The following ACOT11 variants were observed in gnomAD, a reference collection of about 807,000 sequenced individuals.
ACOT11 encodes acyl-CoA thioesterase 11, also known as acyl-coenzyme A thioesterase 11.
A neutral mutation model predicts 77.5 loss-of-function variants in ACOT11; 69 were observed. The observed-to-expected ratio is 0.89, with a 90% CI of 0.73 to 1.09. ACOT11 has a LOEUF of 1.09. Ranked by LOEUF, ACOT11 falls within the 50% of genes least tolerant of loss-of-function variation. The probability of loss-of-function intolerance (pLI) is 0.00; values close to 1 mark genes in which losing one functional copy is unlikely to be tolerated. For synonymous variants in ACOT11, 279 were observed against 313.0 expected (o/e 0.89, Z 1.15); for missense variants, 766 against 813.7 (o/e 0.94, Z 0.71).
At chr1:54,608,410 C>G (rs1361692025) in intron 15 of ACOT11, among the ~76,000 whole-genome samples, 2 of 152,012 alleles carry the variant, frequency 1.3e-5, no homozygotes, top group Non-Finnish European at 2.9e-5. Flanking sequence ...AACCCAGCAG[C>G]GCAGTCCGTG....
intron 1 of ACOT11, among the ~76,000 whole-genome samples, chr1:54,574,494 G>A (rs1013062289): frequency 7.9e-5 from 12 of 152,206 alleles, no homozygotes; most frequent in African/African-American, 2.9e-4. Context: ...TAAAAGGAAG[G>A]CAGGACCATG....
At chr1:54,555,389 C>T (rs115960913) in intron 1 of ACOT11, among the ~76,000 whole-genome samples, 6,041 of 152,164 alleles carry the variant, frequency 0.04, 176 homozygotes, top group Non-Finnish European at 0.055. Context: ...TGTATAGCTT[C>T]CTTTGAGAAA....
intron 6 of ACOT11, among the ~76,000 whole-genome samples, chr1:54,596,734 C>T (rs1239659525): frequency 6.6e-6 from 1 of 152,114 alleles, no homozygotes; most frequent in Non-Finnish European, 1.5e-5. Flanking sequence ...CCACCATGCC[C>T]AGCTAACTTT....
rs564872461 is a variant in ACOT11 at position 54,595,493 on chromosome 1, C to G, written c.607+802C>G. On this transcript the variant is annotated intron_variant, in intron 6 of 15. Transcript: ENST00000343744. Reference sequence around the variant, plus strand: ...AAAAGATAAAATAAAAAGCAAGACTCCTTTCTATCCCAGAATCCAGGTCGT... The same window carrying G: ...AAAAGATAAAATAAAAAGCAAGACTGCTTTCTATCCCAGAATCCAGGTCGT... Among the ~76,000 whole-genome samples, 10 of 152,274 alleles carry G rather than the reference C, an allele frequency of 6.6e-5. No individual in the cohort carries two copies. The South Asian group carries it at 1.7e-3, about 25-fold the overall frequency.
intron 1 of ACOT11, among the ~76,000 whole-genome samples, chr1:54,564,322 G>A (rs1272680282): frequency 6.6e-6 from 1 of 152,258 alleles, no homozygotes; most frequent in Non-Finnish European, 1.5e-5. Flanking sequence ...TTATTCAGAA[G>A]CCTGGTAGGT....
downstream of ACOT11, among the ~76,000 whole-genome samples, chr1:54,614,393 C>G (rs973555239): frequency 6.7e-6 from 1 of 150,300 alleles, no homozygotes; most frequent in African/African-American, 2.4e-5. Flanking sequence ...TATGAACACC[C>G]AGTGACAGCC....
At position 54,593,977 on chromosome 1, in the gene ACOT11, G is replaced by A. The variant is rs1269998222; in HGVS notation, c.409G>A (p.Glu137Lys). 3.1e-6 allele frequency: 5 copies of A among 1,614,212 alleles called. No homozygotes were observed. The highest frequency in any genetic ancestry group is 4.2e-6 in the Non-Finnish European group (5 of 1,180,024). Residue 137 changes from glutamate to lysine, a missense_variant, in exon 5 of 16, where the codon GAG (glutamate) becomes AAG (lysine). Physicochemically the swap from Glu to Lys is moderately conservative, Grantham distance 56. Coordinates refer to ENST00000343744, the MANE Select transcript of ACOT11 (RefSeq NM_147161.4). Reference sequence around the variant, plus strand: ...GGTGGCCTCGGAGGACCTGTGCTCTGAGAAGCAGTGGAATGTGTGCAAGGC... The same window carrying A: ...GGTGGCCTCGGAGGACCTGTGCTCTAAGAAGCAGTGGAATGTGTGCAAGGC... ...IQVASEDLCS[E>K]KQWNVCKALA...
At chr1:54,627,600 A>C (rs1214830312) in intron 15 of ACOT11, among the ~76,000 whole-genome samples, 1 of 135,314 alleles carries the variant, frequency 7.4e-6, no homozygotes, top group African/African-American at 2.5e-5. Context: ...TCAGATGTGA[A>C]ACAGCCATTT....
intron 1 of ACOT11, among the ~76,000 whole-genome samples, chr1:54,583,276 A>G (rs566572009): frequency 4.6e-5 from 7 of 152,224 alleles, no homozygotes; most frequent in African/African-American, 1.7e-4. Flanking sequence ...CTGGGAACCC[A>G]TAAGCCGTTC....
downstream of ACOT11, among the ~76,000 whole-genome samples, chr1:54,611,429 ATGTT>A (rs1644116995): frequency 6.6e-6 from 1 of 152,030 alleles, no homozygotes; most frequent in South Asian, 2.1e-4. Flanking sequence ...AATAAAATGG[ATGTT>A]TGAAGCTTAG....
In ACOT11 at chr1:54,584,380, A is replaced by C. The variant is rs1172794; in HGVS notation, c.34-275A>C. ...AAGCAAGGAGGACTGACTTCTCTGC[A>C]TGGTTTTGTCTCCACTGGCCCACTC... is the stretch of plus-strand genomic sequence containing the variant. On this transcript the variant is annotated intron_variant, in intron 1 of 15. Coordinates refer to ENST00000343744, the MANE Select transcript of ACOT11 (RefSeq NM_147161.4). The surrounding 1 kb of genome is among the most constrained non-coding windows in gnomAD (Gnocchi z 6.3). Among the ~76,000 whole-genome samples the C allele has an allele frequency of 0.095, 14,393 of 152,158 alleles. 1,156 individuals are homozygous for C. The highest frequency in any genetic ancestry group is 0.23 in the South Asian group (1,123 of 4,814).
chr1:54,593,996 G>A lies in ACOT11; in HGVS notation c.428G>A (p.Cys143Tyr). Reference protein sequence around the residue: ...DLCSEKQWNVCKALATFVARR... With the variant: ...DLCSEKQWNVYKALATFVARR... ...TGCTCTGAGAAGCAGTGGAATGTGT[G>A]CAAGGCCTTGGCCACCTTCGTGGCC... The change falls in exon 5 of 16, where the codon TGC becomes TAC. Residue 143 changes from cysteine to tyrosine, a missense_variant. Transcript: ENST00000343744. 3 of 1,614,220 alleles carry A rather than the reference G, an allele frequency of 1.9e-6. No individual in the cohort carries two copies. Among genetic ancestry groups the A allele is most frequent in the Non-Finnish European group, 2.5e-6 (3 of 1,180,028 alleles).
downstream of ACOT11, chr1:54,614,879 G>C: frequency 6.2e-7 from 1 of 1,610,354 alleles, no homozygotes; most frequent in South Asian, 1.1e-5. Context: ...AAGGAACAAG[G>C]GCTTGGGGAA....
intron 15 of ACOT11, among the ~76,000 whole-genome samples, chr1:54,625,176 C>CACTTGGACGAACCCGAGTGTAGCTCTGGT (rs1295971273): frequency 6.6e-6 from 1 of 151,262 alleles, no homozygotes. Context: ...GGAGCCCAGG[C>CACTTGGACGAACCCGAGTGTAGCTCTGGT]TCAATTCTCA....
intron 7 of ACOT11, chr1:54,598,343 G>A (rs1197709848): frequency 7.9e-5 from 12 of 152,252 alleles, no homozygotes; most frequent in Admixed American, 6.5e-4. Context: ...AAGTTGGAAG[G>A]AAAATGGGAA....
In ACOT11 at chr1:54,620,407, G is replaced by A. The variant is rs535876561; in HGVS notation, c.1630-10327G>A. Among the ~76,000 whole-genome samples, 3 of 152,356 alleles carry A rather than the reference G, an allele frequency of 2.0e-5. No homozygotes were observed. In the South Asian group the frequency reaches 6.2e-4, roughly 32 times the overall value. The stretch of plus-strand genomic sequence containing the variant: ...AGATGGAACATAAAAGTGGAATGTG[G>A]AAAGATTGGAAGAGGGGGCCGGGCA... On this transcript the variant is annotated intron_variant, in intron 15 of 16. Coordinates refer to the ACOT11 transcript ENST00000371316.
rs1333825642 is a variant in ACOT11, at chr1:54,584,798, C to T, written c.177C>T (p.Asn59=). ...MSQLVLPCHT[N]QRGELSVGQL... ...AGCTGGTGCTGCCCTGCCACACCAA[C>T]CAACGTGGTGAGCTGAGCGTCGGGC... Residue 59 remains asparagine, a synonymous_variant, in exon 2 of 16, where the codon AAC becomes AAT. Transcript: ENST00000343744. The surrounding 1 kb of genome is among the most constrained non-coding windows in gnomAD (Gnocchi z 6.3). 2 of 1,614,136 alleles carry T rather than the reference C, an allele frequency of 1.2e-6. No individual in the cohort carries two copies. Among genetic ancestry groups the T allele is most frequent in the South Asian group, 2.2e-5 (2 of 91,088 alleles).
intron 1 of ACOT11, among the ~76,000 whole-genome samples, chr1:54,558,674 A>C (rs1014511528): frequency 2.0e-5 from 3 of 152,156 alleles, no homozygotes; most frequent in African/African-American, 7.2e-5. Flanking sequence ...TGAGCAGCTG[A>C]ATAGGGGCCC....
chr1:54,588,419 T>C (rs1267571602), intron 3 of ACOT11, among the ~76,000 whole-genome samples: 1 of 152,196 alleles, frequency 6.6e-6, no homozygotes, highest in Non-Finnish European at 1.5e-5. Flanking sequence ...ATCCTTATTT[T>C]ACAGATGAGG....
Sources: allele counts gnomAD v4.1 joint callset (sites outside exome capture counted in the v4.1 genomes callset), GRCh38; gene constraint gnomAD v4.1.1; non-coding constraint Gnocchi (gnomAD v3.1); transcripts MANE v1.5; gene names NCBI Gene and HGNC (gene_info 2026-07-23, HGNC 2026-07-21).